Variants in INSL3 observed in about 807,000 individuals in gnomAD.
The protein encoded by INSL3 is insulin-like 3.
Under a neutral mutation model 5.5 loss-of-function variants are expected in INSL3, and 6 were observed. That is an observed-to-expected ratio of 1.08 (90% confidence interval 0.59 to 2.14). INSL3 has a LOEUF of 2.14. Among genes scored for constraint, INSL3 ranks in the 30% most tolerant of loss-of-function variants. The pLI is 0.00. For synonymous variants in INSL3, 86 were observed against 82.1 expected, an observed-to-expected ratio of 1.05 and a Z score of -0.26; for missense variants, 178 against 184.7, an observed-to-expected ratio of 0.96 and a Z score of 0.21.
chr19:17,818,736 T>C lies in INSL3; in HGVS notation c.191-1677A>G, dbSNP rs529112873. ...TGATTTTGTTTCCAGGGGATACTTG[T>C]CTGGGGACAGTTTTAGATGTCACAA... On this transcript the variant is annotated intron_variant, in intron 1 of 1. Coordinates refer to ENST00000317306, the MANE Select transcript of INSL3 (RefSeq NM_005543.4). 5.9e-5 allele frequency among the ~76,000 whole-genome samples: 9 copies of C among 152,260 alleles called. No individual in the cohort carries two copies. In the South Asian group the frequency reaches 1.9e-3, roughly 32 times the overall value.
At position 17,816,826 on chromosome 19, in the gene INSL3, C is replaced by G; in HGVS notation, c.*28G>C. On this transcript the variant is annotated 3_prime_UTR_variant, in exon 2 of 2. Coordinates refer to ENST00000317306, the MANE Select transcript of INSL3 (RefSeq NM_005543.4). ...CAGACCAGACCCTCTGGGCCTCAGG[C>G]CACTCTGAGGCTGCACCCAAGGAGG... 6.2e-7 allele frequency: 1 copy of G among 1,606,628 alleles called. No homozygotes were observed. The highest frequency in any genetic ancestry group is 8.5e-7 in the Non-Finnish European group (1 of 1,174,844).
chr19:17,816,887 G>A lies in INSL3; in HGVS notation c.363C>T (p.Thr121=), dbSNP rs558887780. Residue 121 remains threonine, a synonymous_variant, in exon 2 of 2, where the codon ACC becomes ACT. Transcript: ENST00000317306. ...PARYCCLSGC[T]QQDLLTLCPY The stretch of plus-strand genomic sequence containing the variant: ...GACAGAGGGTCAGCAGGTCTTGTTG[G>A]GTACAGCCACTGAGGCAGCAGTAGC... 1.4e-5 allele frequency: 22 copies of A among 1,613,866 alleles called. No individual in the cohort carries two copies. Among genetic ancestry groups the A allele is most frequent in the Non-Finnish European group, 1.8e-5 (21 of 1,180,044 alleles).
intron 1 of INSL3, among the ~76,000 whole-genome samples, chr19:17,819,315 T>C (rs952110969): frequency 3.9e-5 from 6 of 151,966 alleles, no homozygotes; most frequent in African/African-American, 1.2e-4. Flanking sequence ...CTGAGTCTCA[T>C]ATTGCCCAGG....
rs1599858189 is a variant in INSL3, at chr19:17,820,975, G to A, written c.190+342C>T. On this transcript the variant is annotated intron_variant, in intron 1 of 1. Transcript: ENST00000317306. Reference sequence around the variant, plus strand: ...ATTACAGATGTGCATCATTATCCCCGGCTAATTTTTTTAAAAATTATTTTT... The same window carrying A: ...ATTACAGATGTGCATCATTATCCCCAGCTAATTTTTTTAAAAATTATTTTT... Among the ~76,000 whole-genome samples, 4 of 151,886 alleles carry A rather than the reference G, an allele frequency of 2.6e-5. 1 individual carries two copies. Among genetic ancestry groups the A allele is most frequent in the Admixed American group, 2.0e-4 (3 of 15,218 alleles).
At chr19:17,818,697 T>C (rs1416311165) in intron 1 of INSL3, among the ~76,000 whole-genome samples, 1 of 152,082 alleles carries the variant, frequency 6.6e-6, no homozygotes, top group Non-Finnish European at 1.5e-5. Flanking sequence ...ACACCAGTGG[T>C]TCTCAAACCA....
rs1236899668 is a variant in INSL3, at chr19:17,816,717, T to C, written c.*137A>G. The C allele has an allele frequency of 1.3e-6, 1 of 777,484 alleles. No homozygotes were observed. Among genetic ancestry groups the C allele is most frequent in the Admixed American group, 2.1e-5 (1 of 48,674 alleles). 48.2% of individuals were successfully genotyped at this position (777,484 alleles called of 1,614,324 possible). A position where few individuals can be genotyped will look rare whatever the true frequency, so the allele number is the denominator to read the frequency against. On this transcript the variant is annotated 3_prime_UTR_variant, in exon 2 of 2. Transcript: ENST00000317306. ...GGCTGCAGGTGGCATTGGTCTGGGG[T>C]AGATAGTGAGCACCCATCCCAGGAG...
In INSL3 at chr19:17,818,433, C is replaced by T. The variant is rs111617874; in HGVS notation, c.191-1374G>A. Among the ~76,000 whole-genome samples the T allele has an allele frequency of 2.8e-3, 432 of 152,118 alleles. 1 individual carries two copies. The highest frequency in any genetic ancestry group is 9.4e-3 in the African/African-American group (390 of 41,504). ...GAGTTCATGACCAGCCTTGGCAATACAGCAAAACCTCATCTCTGCAGAAAA... is the reference window on the plus strand; with the variant it reads ...GAGTTCATGACCAGCCTTGGCAATATAGCAAAACCTCATCTCTGCAGAAAA... On this transcript the variant is annotated intron_variant, in intron 1 of 1. Coordinates refer to ENST00000317306, the MANE Select transcript of INSL3 (RefSeq NM_005543.4).
rs2147663939 is a variant in INSL3, at chr19:17,821,320, CGCCTCCGGTCGCAG to C, written c.173_186del (p.Pro58ArgfsTer3). 6.5e-7 allele frequency: 1 copy of C among 1,546,834 alleles called. No homozygotes were observed. The highest frequency in any genetic ancestry group is 2.4e-5 in the East Asian group (1 of 40,890). On this transcript the variant is annotated frameshift_variant, in exon 1 of 2. Coordinates refer to ENST00000317306, the MANE Select transcript of INSL3 (RefSeq NM_005543.4). LOFTEE classifies it low-confidence loss of function (END_TRUNC). ...GTCCCTGCCCGTCCCCACTCACGGT[CGCCTCCGGTCGCAG>C]GCCTCCTGGCTTCGGTGGACCAGCG...
chr19:17,819,606 C>A (rs1156993532), intron 1 of INSL3, among the ~76,000 whole-genome samples: 2 of 152,024 alleles, frequency 1.3e-5, no homozygotes, highest in African/African-American at 4.8e-5. Flanking sequence ...CTTTGGGAGG[C>A]CGAGGCAGGT....
Position 17,817,079 on chromosome 19 carries a change from C to G in INSL3, c.191-20G>C. On this transcript the variant is annotated intron_variant, in intron 1 of 1. Transcript: ENST00000317306. The stretch of plus-strand genomic sequence containing the variant: ...ACTCACCTGGGGACAGAGTGAAACT[C>G]AGCTGGAACGGAAACGACAGAGGAC... 6.2e-7 allele frequency: 1 copy of G among 1,609,082 alleles called. No individual in the cohort carries two copies. The highest frequency in any genetic ancestry group is 8.5e-7 in the Non-Finnish European group (1 of 1,178,434).
intron 1 of INSL3, among the ~76,000 whole-genome samples, chr19:17,819,629 C>T (rs538768673): frequency 6.6e-6 from 1 of 152,150 alleles, no homozygotes; most frequent in African/African-American, 2.4e-5. Flanking sequence ...ATCACGAGAT[C>T]AGGAGATTGA....
In INSL3 at chr19:17,816,886, G is replaced by A. The variant is rs368694033; in HGVS notation, c.364C>T (p.Gln122Ter). 1.9e-6 allele frequency: 3 copies of A among 1,614,006 alleles called. No homozygotes were observed. The highest frequency in any genetic ancestry group is 2.5e-6 in the Non-Finnish European group (3 of 1,180,044). ...ARYCCLSGCTQQDLLTLCPY is the reference protein window; with the variant it reads ...ARYCCLSGCT ...GGACAGAGGGTCAGCAGGTCTTGTTGGGTACAGCCACTGAGGCAGCAGTAG... is the reference window on the plus strand; with the variant it reads ...GGACAGAGGGTCAGCAGGTCTTGTTAGGTACAGCCACTGAGGCAGCAGTAG... The change falls in exon 2 of 2, where the codon CAA (glutamine) becomes TAA (stop). Residue 122 changes from glutamine (Q) to a stop codon, truncating the protein, a stop_gained. Coordinates refer to ENST00000317306, the MANE Select transcript of INSL3 (RefSeq NM_005543.4). LOFTEE classifies it high-confidence loss of function.
chr19:17,820,089 T>G (rs74180847), intron 1 of INSL3, among the ~76,000 whole-genome samples: 2,505 of 151,218 alleles, frequency 0.017, 34 homozygotes, highest in Non-Finnish European at 0.025. Context: ...TCAGCCCGGG[T>G]GACAGAGCGA....
In INSL3 at chr19:17,821,459, GGCAGGGCCCA is replaced by G; in HGVS notation, c.38_47del (p.Leu13ProfsTer27). Reference sequence around the variant, plus strand: ...GCGCGGGGCCCAACGCGAACACCAGGGCAGGGCCCAGCAGCACCAGCGCCCAGGCGGGCAG... The same window carrying G: ...GCGCGGGGCCCAACGCGAACACCAGGGCAGCACCAGCGCCCAGGCGGGCAG... On this transcript the variant is annotated frameshift_variant, in exon 1 of 2. Coordinates refer to ENST00000317306, the MANE Select transcript of INSL3 (RefSeq NM_005543.4). LOFTEE classifies it high-confidence loss of function. 1 of 1,534,834 alleles carries G rather than the reference GGCAGGGCCCA, an allele frequency of 6.5e-7. No individual in the cohort carries two copies. The highest frequency in any genetic ancestry group is 1.2e-5 in the South Asian group (1 of 83,160).
At position 17,816,853 on chromosome 19, in the gene INSL3, A is replaced by G. The variant is rs748660285; in HGVS notation, c.*1T>C. ...ACTCTGAGGCTGCACCCAAGGAGGA[A>G]TCAGTAGGGACAGAGGGTCAGCAGG... On this transcript the variant is annotated 3_prime_UTR_variant, in exon 2 of 2. Transcript: ENST00000317306. The G allele has an allele frequency of 1.4e-5, 23 of 1,613,110 alleles. No individual in the cohort carries two copies. Among genetic ancestry groups the G allele is most frequent in the South Asian group, 3.3e-5 (3 of 91,052 alleles).
Position 17,817,484 on chromosome 19 carries a change from C to CA in INSL3, c.191-426dup, listed in dbSNP as rs35282432. On this transcript the variant is annotated intron_variant, in intron 1 of 1. Transcript: ENST00000317306. The stretch of plus-strand genomic sequence containing the variant: ...TGGGTGACAGAGTGAGACTCTGTCT[C>CA]AAAAAAAAAAAAAAAAAAGTGAGCA... Among the ~76,000 whole-genome samples the CA allele has an allele frequency of 6.3e-3, 492 of 78,004 alleles. 2 individuals are homozygous for CA. Among genetic ancestry groups the CA allele is most frequent in the Admixed American group, 0.02 (127 of 6,364 alleles). The allele number at this position is 78,004 out of a possible 152,430, so 51.2% of individuals were successfully genotyped here.
chr19:17,820,810 ACTTT>A (rs2094194386), intron 1 of INSL3, among the ~76,000 whole-genome samples: 1 of 126,026 alleles, frequency 7.9e-6, no homozygotes, highest in East Asian at 2.3e-4. Flanking sequence ...TGCTCTGAGG[ACTTT>A]CTTTTTTTTT....
Position 17,816,803 on chromosome 19 carries a change from G to T in INSL3, c.*51C>A. ...GCTGTGTGGCCTCAGGAGCTCACCA[G>T]ACCAGACCCTCTGGGCCTCAGGCCA... is the stretch of plus-strand genomic sequence containing the variant. On this transcript the variant is annotated 3_prime_UTR_variant, in exon 2 of 2. Coordinates refer to ENST00000317306, the MANE Select transcript of INSL3 (RefSeq NM_005543.4). 1 of 1,577,696 alleles carries T rather than the reference G, an allele frequency of 6.3e-7. No homozygotes were observed. The highest frequency in any genetic ancestry group is 1.1e-5 in the South Asian group (1 of 90,126).
At position 17,816,919 on chromosome 19, in the gene INSL3, G is replaced by A. The variant is rs768489413; in HGVS notation, c.331C>T (p.Pro111Ser). The stretch of plus-strand genomic sequence containing the variant: ...CCACTGAGGCAGCAGTAGCGTGCAG[G>A]GTTGGTGGCAGCTGCACGGTGGTGG... ...HRHHRAAATN[P>S]ARYCCLSGCT... The change falls in exon 2 of 2, where the codon CCT becomes TCT. Residue 111 changes from proline to serine, a missense_variant. Coordinates refer to ENST00000317306, the MANE Select transcript of INSL3 (RefSeq NM_005543.4). 20 of 1,614,002 alleles carry A rather than the reference G, an allele frequency of 1.2e-5. No homozygotes were observed. The South Asian group carries it at 2.1e-4, about 17-fold the overall frequency.
Sources: allele counts gnomAD v4.1 joint callset (sites outside exome capture counted in the v4.1 genomes callset), GRCh38; gene constraint gnomAD v4.1.1; transcripts MANE v1.5; gene names NCBI Gene and HGNC (gene_info 2026-07-23, HGNC 2026-07-21).